The following ADAM9 variants were observed in gnomAD, a reference collection of about 807,000 sequenced individuals.
The protein encoded by ADAM9 is ADAM metallopeptidase domain 9, also known as disintegrin and metalloproteinase domain-containing protein 9.
A neutral mutation model predicts 108.1 loss-of-function variants in ADAM9; 54 were observed. The ratio of observed to expected loss-of-function variants is 0.50; its 90% confidence interval spans 0.40 to 0.63. ADAM9 has a LOEUF of 0.63. Ranked by LOEUF, ADAM9 falls within the 20% of genes least tolerant of loss-of-function variation. The probability of loss-of-function intolerance (pLI) is 0.00; values close to 1 mark genes in which losing one functional copy is unlikely to be tolerated. For missense variants in ADAM9, 830 were observed against 997.7 expected (o/e 0.83, Z 2.26); for synonymous variants, 316 against 336.0 (o/e 0.94, Z 0.65).
At chr8:39,003,482 A>AT (rs1208013476) in intron 1 of ADAM9, among the ~76,000 whole-genome samples, 93 of 58,170 alleles carry the variant, frequency 1.6e-3, no homozygotes, top group Admixed American at 5.5e-3. Context: ...ACTATTTGGA[A>AT]TTTAAAAAAA....
chr8:39,038,550 T>G (rs1837356287), intron 11 of ADAM9, among the ~76,000 whole-genome samples: 1 of 152,204 alleles, frequency 6.6e-6, no homozygotes, highest in Admixed American at 6.5e-5. Flanking sequence ...ACTTATTACC[T>G]TATAATATGC....
At chr8:39,028,046 C>T (rs1049815082) in intron 11 of ADAM9, among the ~76,000 whole-genome samples, 1 of 152,136 alleles carries the variant, frequency 6.6e-6, no homozygotes, top group Non-Finnish European at 1.5e-5. Flanking sequence ...TATGATTGTG[C>T]CACTGCACTC....
At chr8:39,095,210 G>C (rs1839465226) in intron 20 of ADAM9, among the ~76,000 whole-genome samples, 1 of 152,084 alleles carries the variant, frequency 6.6e-6, no homozygotes, top group African/African-American at 2.4e-5. Flanking sequence ...AATTAATTCT[G>C]TTGGCCCTGT....
At chr8:39,035,025 A>G (rs1378745173) in intron 11 of ADAM9, among the ~76,000 whole-genome samples, 1 of 152,174 alleles carries the variant, frequency 6.6e-6, no homozygotes, top group African/African-American at 2.4e-5. Context: ...CTGTGTACAC[A>G]GGGTGTCTGC....
intron 3 of ADAM9, 124 bp downstream of exon 3, chr8:39,011,840 T>C: frequency 1.1e-6 from 1 of 928,342 alleles, no homozygotes; most frequent in South Asian, 1.4e-5. Context: ...TAGCTCTTCA[T>C]ATTGGTGCTG....
At chr8:39,001,450 T>A (rs1041722730) in intron 1 of ADAM9, among the ~76,000 whole-genome samples, 1 of 152,224 alleles carries the variant, frequency 6.6e-6, no homozygotes, top group African/African-American at 2.4e-5. Context: ...CCGTCCTTGA[T>A]CTCAAAGAAC....
At chr8:39,073,491 T>C (rs1192839992) in intron 15 of ADAM9, among the ~76,000 whole-genome samples, 1 of 152,232 alleles carries the variant, frequency 6.6e-6, no homozygotes, top group Non-Finnish European at 1.5e-5. Context: ...TCTTTTGTTA[T>C]CGCTGTTCCT....
intron 15 of ADAM9, among the ~76,000 whole-genome samples, chr8:39,074,152 C>G (rs1035147957): frequency 6.6e-6 from 1 of 152,106 alleles, no homozygotes; most frequent in Admixed American, 6.5e-5. Context: ...AAAGTCTTTT[C>G]TACCCATTGA....
At chr8:39,069,828 TG>T (rs1330753589) in intron 14 of ADAM9, among the ~76,000 whole-genome samples, 1 of 152,182 alleles carries the variant, frequency 6.6e-6, no homozygotes, top group East Asian at 1.9e-4. Context: ...GTCAATATTC[TG>T]GATAAGTAAC....
intron 14 of ADAM9, among the ~76,000 whole-genome samples, chr8:39,058,930 A>G (rs1375860776): frequency 6.6e-6 from 1 of 152,162 alleles, no homozygotes; most frequent in Non-Finnish European, 1.5e-5. Context: ...GATTGAGAGC[A>G]TATACAGCCT....
intron 11 of ADAM9, among the ~76,000 whole-genome samples, chr8:39,033,598 A>G (rs1280483935): frequency 1.3e-5 from 2 of 151,936 alleles, no homozygotes; most frequent in Non-Finnish European, 2.9e-5. Flanking sequence ...TAATATATTT[A>G]TATTTACTGT....
intron 12 of ADAM9, among the ~76,000 whole-genome samples, chr8:39,050,619 C>T (rs1488153832): frequency 1.3e-5 from 2 of 152,178 alleles, no homozygotes; most frequent in Admixed American, 1.3e-4. Flanking sequence ...CACTAGTTAA[C>T]CTGGCCAGAG....
At chr8:39,093,830 C>A (rs112314809) in intron 20 of ADAM9, among the ~76,000 whole-genome samples, 274 of 152,314 alleles carry the variant, frequency 1.8e-3, no homozygotes, top group African/African-American at 6.2e-3. Context: ...AGTGCAGTGG[C>A]ACGATCTCGG....
chr8:39,091,423 A>G, intron 20 of ADAM9, 77 bp downstream of exon 20: 1 of 1,223,858 alleles, frequency 8.2e-7, no homozygotes, highest in Non-Finnish European at 1.2e-6. Context: ...ACACAGTTAT[A>G]TAGCTATAGC....
chr8:39,001,493 T>C (rs1835990404), intron 1 of ADAM9, among the ~76,000 whole-genome samples: 1 of 152,218 alleles, frequency 6.6e-6, no homozygotes, highest in African/African-American at 2.4e-5. Flanking sequence ...TTAAATTGTC[T>C]AGGGCATTAA....
rs752760866 is a variant in ADAM9, at chr8:39,055,662, A to G, written c.1481A>G (p.Gln494Arg). Residue 494 changes from glutamine to arginine, a missense_variant, in exon 14 of 22, where the codon CAG becomes CGG. Coordinates refer to ENST00000487273, the MANE Select transcript of ADAM9 (RefSeq NM_003816.3). The stretch of plus-strand genomic sequence containing the variant: ...TGCAATGGTTCTTCTCAGTTCTGTC[A>G]GCCAGATGTTTTTATTCAGAATGGA... Reference protein sequence around the residue: ...EYCNGSSQFCQPDVFIQNGYP... With the variant: ...EYCNGSSQFCRPDVFIQNGYP... 1 of 1,613,828 alleles carries G rather than the reference A, an allele frequency of 6.2e-7. No individual in the cohort carries two copies. The highest frequency in any genetic ancestry group is 1.1e-5 in the South Asian group (1 of 91,064).
rs538912585 is a variant in ADAM9, at chr8:38,997,002, T to C, written c.-62T>C. ...TTGGGGCCCCGGCAGGGTTGGAAAA[T>C]GATGGAAGAGGCGGAGGTGGAGGCG... On this transcript the variant is annotated 5_prime_UTR_variant, in exon 1 of 22. An upstream start codon of the reference 5' UTR is lost. Coordinates refer to ENST00000487273, the MANE Select transcript of ADAM9 (RefSeq NM_003816.3). The C allele has an allele frequency of 9.8e-5, 155 of 1,574,048 alleles. No individual in the cohort carries two copies. The highest frequency in any genetic ancestry group is 1.3e-4 in the Non-Finnish European group (147 of 1,165,628).
intron 10 of ADAM9, among the ~76,000 whole-genome samples, chr8:39,026,415 T>C (rs1405464780): frequency 6.6e-6 from 1 of 152,234 alleles, no homozygotes; most frequent in African/African-American, 2.4e-5. Flanking sequence ...ATTAACTTGT[T>C]TTCCTATAAA....
intron 1 of ADAM9, among the ~76,000 whole-genome samples, chr8:39,002,324 T>TC: frequency 7.1e-6 from 1 of 141,142 alleles, no homozygotes; most frequent in Non-Finnish European, 1.5e-5. Context: ...TTTTTTTTTT[T>TC]TTTTTTTTTT....
Sources: gnomAD v4.1 joint callset for allele counts (sites outside exome capture counted in the v4.1 genomes callset) on GRCh38, gnomAD v4.1.1 for gene constraint, MANE v1.5 for transcripts, NCBI Gene and HGNC (gene_info 2026-07-23, HGNC 2026-07-21) for gene names.